Variants in KHDRBS2 observed in about 807,000 individuals in gnomAD.
KHDRBS2 encodes KH domain-containing, RNA-binding, signal transduction-associated protein 2.
A neutral mutation model predicts 44.3 loss-of-function variants in KHDRBS2; 26 were observed. The ratio of observed to expected loss-of-function variants is 0.59; its 90% CI spans 0.43 to 0.81. The LOEUF (loss-of-function observed/expected upper bound fraction) is 0.81, where lower values mean the gene tolerates loss of function less well. Ranked by LOEUF, KHDRBS2 falls within the 40% of genes least tolerant of loss-of-function variation. KHDRBS2 has a pLI of 0.00. For synonymous variants in KHDRBS2, 194 were observed against 151.1 expected, an observed-to-expected ratio of 1.28 and a Z score of -2.08; for missense variants, 476 against 433.1, an observed-to-expected ratio of 1.10 and a Z score of -0.88.
At chr6:61,938,012 C>G (rs1811360023) in intron 4 of KHDRBS2, among the ~76,000 whole-genome samples, 1 of 152,044 alleles carries the variant, frequency 6.6e-6, no homozygotes, top group African/African-American at 2.4e-5. Flanking sequence ...ATTTCACCAT[C>G]TTAACCAGAA....
the KHDRBS2 span, among the ~76,000 whole-genome samples, chr6:61,573,897 A>ACAAG: frequency 2.3e-4 from 1 of 4,340 alleles, no homozygotes; most frequent in African/African-American, 4.7e-3. Flanking sequence ...TAACTATACT[A>ACAAG]ACTAGTTTAC....
chr6:61,975,328 A>C (rs1384950617), intron 4 of KHDRBS2, among the ~76,000 whole-genome samples: 1 of 152,186 alleles, frequency 6.6e-6, no homozygotes, highest in Non-Finnish European at 1.5e-5. Flanking sequence ...TTGTTCTAGC[A>C]TGTCTCTTAC....
chr6:62,229,493 G>T (rs1490208422), intron 1 of KHDRBS2, among the ~76,000 whole-genome samples: 1 of 152,124 alleles, frequency 6.6e-6, no homozygotes, highest in African/African-American at 2.4e-5. Flanking sequence ...TAGCTCAGAT[G>T]GTTTAGACAG....
chr6:61,901,177 T>A (rs533498838), intron 5 of KHDRBS2, 67 bp downstream of exon 5: 26 of 1,486,086 alleles, frequency 1.7e-5, no homozygotes, highest in Non-Finnish European at 2.1e-5. Flanking sequence ...GTGATAATCA[T>A]GACATAAAGC....
At chr6:61,678,871 C>G (rs1382114280), downstream of KHDRBS2, 2 of 151,894 alleles carry the variant, frequency 1.3e-5, no homozygotes, top group East Asian at 3.9e-4. Flanking sequence ...TCAAATAAGA[C>G]AAAAAATAAG....
chr6:61,552,120 A>T, the KHDRBS2 span, among the ~76,000 whole-genome samples: 1 of 152,064 alleles, frequency 6.6e-6, no homozygotes, highest in Non-Finnish European at 1.5e-5. Flanking sequence ...GGCCATTTTA[A>T]CAATATTGAT....
the KHDRBS2 span, among the ~76,000 whole-genome samples, chr6:61,629,461 A>T: frequency 1.7e-4 from 26 of 152,334 alleles, no homozygotes; most frequent in African/African-American, 5.5e-4. Context: ...TAAAGAGAAA[A>T]TAAGACTTCA....
At chr6:61,732,853 C>A in intron 6 of KHDRBS2, 89 bp from the exon 7 acceptor site, 2 of 755,354 alleles carry the variant, frequency 2.6e-6, no homozygotes, top group Non-Finnish European at 4.8e-6. Context: ...ACAATGTGAT[C>A]TTGGTTTAGA....
rs1277998278 is a variant in KHDRBS2, at chr6:61,954,967, C to T, written c.483+23099G>A. Among the ~76,000 whole-genome samples the T allele has an allele frequency of 5.4e-5, 7 of 129,942 alleles. 1 individual carries two copies. Among genetic ancestry groups the T allele is most frequent in the African/African-American group, 8.8e-5 (3 of 34,142 alleles). 85.2% of individuals were successfully genotyped at this position (129,942 alleles called of 152,430 possible). A position where few individuals can be genotyped will look rare whatever the true frequency, so the allele number is the denominator to read the frequency against. ...GTGTATACATATATATGTATATATA[C>T]GCATACATATGTATGTGTATACATA... is the stretch of plus-strand genomic sequence containing the variant. On this transcript the variant is annotated intron_variant, in intron 4 of 8. Transcript: ENST00000281156.
intron 8 of KHDRBS2, among the ~76,000 whole-genome samples, chr6:61,688,703 C>T (rs1466601125): frequency 6.6e-6 from 1 of 151,938 alleles, no homozygotes; most frequent in Non-Finnish European, 1.5e-5. Context: ...GTTAATCTTT[C>T]TGTATGACCT....
At chr6:61,564,560 C>T in the KHDRBS2 span, among the ~76,000 whole-genome samples, 1 of 151,878 alleles carries the variant, frequency 6.6e-6, no homozygotes, top group South Asian at 2.1e-4. Context: ...CTGGTATCTT[C>T]CAAAGCATAA....
At chr6:62,227,430 C>T (rs763974623) in intron 1 of KHDRBS2, among the ~76,000 whole-genome samples, 6 of 152,068 alleles carry the variant, frequency 3.9e-5, no homozygotes, top group African/African-American at 9.7e-5. Flanking sequence ...TGGGCTGAGA[C>T]GATGGGGTTT....
intron 2 of KHDRBS2, among the ~76,000 whole-genome samples, chr6:62,139,508 G>A (rs560356539): frequency 1.3e-3 from 190 of 150,306 alleles, no homozygotes; most frequent in African/African-American, 3.8e-3. Context: ...AGCGGAGATC[G>A]CGCCACTACA....
At chr6:61,862,468 C>T (rs1797135200) in intron 6 of KHDRBS2, among the ~76,000 whole-genome samples, 1 of 152,052 alleles carries the variant, frequency 6.6e-6, no homozygotes, top group African/African-American at 2.4e-5. Context: ...TCATATATGG[C>T]TCTTCTTACT....
intron 2 of KHDRBS2, among the ~76,000 whole-genome samples, chr6:62,153,007 G>A (rs184259381): frequency 6.6e-6 from 1 of 152,328 alleles, no homozygotes; most frequent in East Asian, 1.9e-4. Flanking sequence ...GTGGCTCACT[G>A]GTGATTACGT....
chr6:61,602,621 G>A, the KHDRBS2 span, among the ~76,000 whole-genome samples: 171 of 152,172 alleles, frequency 1.1e-3, no homozygotes, highest in Non-Finnish European at 1.8e-3. Context: ...CATCACTGAC[G>A]CCAAGCTTCA....
intron 8 of KHDRBS2, among the ~76,000 whole-genome samples, chr6:61,686,194 G>A (rs867154810): frequency 2.0e-5 from 3 of 151,716 alleles, no homozygotes; most frequent in South Asian, 4.2e-4. Context: ...ACAGCAAAAC[G>A]AAGGAAGCTC....
the KHDRBS2 span, among the ~76,000 whole-genome samples, chr6:61,641,309 TTAAA>T: frequency 4.6e-5 from 7 of 152,226 alleles, no homozygotes; most frequent in Non-Finnish European, 8.8e-5. Context: ...CCATTGCCTA[TTAAA>T]TAAAGCACAT....
intron 2 of KHDRBS2, among the ~76,000 whole-genome samples, chr6:62,140,861 A>G (rs1194508319): frequency 1.3e-5 from 2 of 152,210 alleles, no homozygotes; most frequent in African/African-American, 4.8e-5. Context: ...TTCAAAAAGG[A>G]GAATGAGTCT....
Sources: allele counts gnomAD v4.1 joint callset (sites outside exome capture counted in the v4.1 genomes callset), GRCh38; gene constraint gnomAD v4.1.1; transcripts MANE v1.5; gene names NCBI Gene and HGNC (gene_info 2026-07-23, HGNC 2026-07-21).